CACNA1A: variants seen among roughly 807,000 people sequenced by gnomAD.
The protein encoded by CACNA1A is voltage-dependent P/Q-type calcium channel subunit alpha-1A.
In CACNA1A, 57 loss-of-function variants were observed where a neutral mutation model predicts 262.4. The observed-to-expected ratio is 0.22, with a 90% CI of 0.18 to 0.27. The LOEUF (loss-of-function observed/expected upper bound fraction) is 0.27, where lower values mean the gene tolerates loss of function less well. Among genes scored for constraint, CACNA1A ranks in the 10% least tolerant of loss-of-function variants. The pLI is 1.00. For synonymous variants in CACNA1A, 1,431 were observed against 1,419.3 expected (o/e 1.01, Z -0.18); for missense variants, 2,526 against 3,562.8 (o/e 0.71, Z 7.41).
intron 3 of CACNA1A, among the ~76,000 whole-genome samples, chr19:13,434,491 G>A (rs200077669): frequency 2.6e-5 from 4 of 152,176 alleles, no homozygotes; most frequent in Non-Finnish European, 5.9e-5. Context: ...CTGGTGGAAG[G>A]TAATTGGATC....
intron 21 of CACNA1A, among the ~76,000 whole-genome samples, chr19:13,284,792 AATTT>A (rs1299712067): frequency 1.6e-4 from 24 of 152,280 alleles, no homozygotes; most frequent in African/African-American, 4.8e-4. Context: ...GTTTAGGACA[AATTT>A]ATTTGTTTAT....
In CACNA1A at chr19:13,236,374, C is replaced by A; in HGVS notation, c.4951-644G>T. ...GAGCTGCCCACCCGCTCCTGCCCGCCCTGACCTCACCCCACGGCCAAGAGG... is the reference window on the plus strand; with the variant it reads ...GAGCTGCCCACCCGCTCCTGCCCGCACTGACCTCACCCCACGGCCAAGAGG... On this transcript the variant is annotated intron_variant, in intron 31 of 46. Coordinates refer to ENST00000360228, the MANE Select transcript of CACNA1A (RefSeq NM_001127222.2). This position sits in a 1 kb window ranked among gnomAD's most constrained non-coding sequence, Gnocchi z 4.6. 6.5e-6 allele frequency: 1 copy of A among 153,802 alleles called. No individual in the cohort carries two copies. Among genetic ancestry groups the A allele is most frequent in the Non-Finnish European group, 1.5e-5 (1 of 68,822 alleles). 9.5% of individuals were successfully genotyped at this position (153,802 alleles called of 1,614,324 possible).
chr19:13,498,676 G>A (rs1981978468), intron 1 of CACNA1A, among the ~76,000 whole-genome samples: 1 of 152,190 alleles, frequency 6.6e-6, no homozygotes, highest in South Asian at 2.1e-4. Context: ...TCTTGTATTA[G>A]CTGCCTTAAA....
intron 3 of CACNA1A, among the ~76,000 whole-genome samples, chr19:13,443,042 GTTTT>G (rs34609205): frequency 0.094 from 14,335 of 152,148 alleles, 732 homozygotes; most frequent in South Asian, 0.15. Context: ...GTTGAAATTT[GTTTT>G]ATTTATTTTA....
At chr19:13,305,781 G>A (rs2053673644) in intron 15 of CACNA1A, among the ~76,000 whole-genome samples, 3 of 152,172 alleles carry the variant, frequency 2.0e-5, no homozygotes, top group Admixed American at 2.0e-4. Context: ...TCGCTTATGG[G>A]CCAGGTGTGG....
intron 38 of CACNA1A, among the ~76,000 whole-genome samples, chr19:13,222,124 C>G (rs1298722501): frequency 1.3e-5 from 2 of 152,052 alleles, no homozygotes; most frequent in Non-Finnish European, 2.9e-5. Flanking sequence ...CCAGGCTGGT[C>G]TTGAACTCCT....
rs61098915 is a variant in CACNA1A at position 13,229,062 on chromosome 19, T to TG, written c.5528+1019dup. 4.0e-3 allele frequency: 728 copies of TG among 183,966 alleles called. 6 individuals carry two copies. The highest frequency in any genetic ancestry group is 0.013 in the African/African-American group (532 of 40,948). The allele number at this position is 183,966 out of a possible 1,614,324, so 11.4% of individuals were successfully genotyped here. On this transcript the variant is annotated intron_variant, in intron 36 of 46. Transcript: ENST00000360228. The stretch of plus-strand genomic sequence containing the variant: ...CCACAGTCTACATGGGCTACAGGGG[T>TG]GGGGGGGGGCTTGTGGAATAGAGGC...
chr19:13,283,519 A>C, intron 21 of CACNA1A, 123 bp from the exon 22 acceptor site: 1 of 1,291,044 alleles, frequency 7.7e-7, no homozygotes. Context: ...CTCCTACACA[A>C]CAAACTATTA....
chr19:13,227,438 G>C lies in CACNA1A; in HGVS notation c.5618C>G (p.Ala1873Gly). 6.3e-7 allele frequency: 1 copy of C among 1,599,004 alleles called. No homozygotes were observed. Among genetic ancestry groups the C allele is most frequent in the Non-Finnish European group, 8.6e-7 (1 of 1,169,510 alleles). The stretch of plus-strand genomic sequence containing the variant: ...TCGGCAAGGGTAGTCTACCTTGTAA[G>C]CCACTCTGGCCGGACACTTCTTCCC... ...GLGKKCPARV[A>G]YKRLLRMDLP... is the part of the protein sequence containing the mutation. Residue 1873 changes from alanine (A) to glycine (G), a missense_variant, in exon 37 of 47, where the codon GCT becomes GGT. Around this residue, in one of 17 missense-constraint regions of CACNA1A, gnomAD observed 112 missense variants for 197.2 expected, o/e 0.57. Transcript: ENST00000360228.
chr19:13,220,110 A>C (rs1381495034), intron 38 of CACNA1A, among the ~76,000 whole-genome samples: 1 of 151,248 alleles, frequency 6.6e-6, no homozygotes, highest in East Asian at 1.9e-4. Context: ...ATACAAAAAA[A>C]TTTAGCTGGG....
chr19:13,497,571 T>C (rs1449575034), intron 1 of CACNA1A, among the ~76,000 whole-genome samples: 1 of 35,496 alleles, frequency 2.8e-5, no homozygotes, highest in South Asian at 1.3e-3. Flanking sequence ...TATATATATA[T>C]ATATATATAA....
intron 22 of CACNA1A, among the ~76,000 whole-genome samples, chr19:13,279,567 C>A (rs1411097210): frequency 2.6e-5 from 4 of 152,050 alleles, no homozygotes; most frequent in Admixed American, 6.6e-5. Flanking sequence ...CTCACTGGAA[C>A]CTCTGCCTCC....
chr19:13,435,648 T>C (rs1191594080), intron 3 of CACNA1A, among the ~76,000 whole-genome samples: 1 of 152,064 alleles, frequency 6.6e-6, no homozygotes, highest in Non-Finnish European at 1.5e-5. Context: ...ACTCAAGATA[T>C]TGAGAATAGC....
At chr19:13,276,805 G>A (rs2057160768) in intron 23 of CACNA1A, among the ~76,000 whole-genome samples, 1 of 150,306 alleles carries the variant, frequency 6.7e-6, no homozygotes, top group Non-Finnish European at 1.5e-5. Context: ...TTGCAGCCTA[G>A]GGTTCAAGTG....
chr19:13,280,595 G>C (rs2057266422), intron 22 of CACNA1A, among the ~76,000 whole-genome samples: 1 of 152,040 alleles, frequency 6.6e-6, no homozygotes, highest in South Asian at 2.1e-4. Flanking sequence ...TGTCAACAGG[G>C]GATGGATAAC....
chr19:13,415,283 GA>G (rs1181856441), intron 3 of CACNA1A, among the ~76,000 whole-genome samples: 1 of 151,794 alleles, frequency 6.6e-6, no homozygotes, highest in African/African-American at 2.4e-5. Flanking sequence ...GGAAGGAAGG[GA>G]GATAGACGCA....
intron 3 of CACNA1A, 174 bp downstream of exon 3, chr19:13,452,702 A>AAT: frequency 1.6e-6 from 1 of 609,804 alleles, no homozygotes; most frequent in East Asian, 2.6e-5. Flanking sequence ...CATCTGCTGT[A>AAT]ATATACAGCT....
chr19:13,224,710 G>T lies in CACNA1A; in HGVS notation c.5688C>A (p.Leu1896=). The change falls in exon 38 of 47, where the codon CTC becomes CTA. Residue 1896 remains leucine (L), a synonymous_variant. Coordinates refer to ENST00000360228, the MANE Select transcript of CACNA1A (RefSeq NM_001127222.2). ...DDNTVHFNST[L]MALIRTALDI... Reference sequence around the variant, plus strand: ...CCAGGGCTGTGCGGATCAGAGCCATGAGGGTGGAATTGAAGTGGACGGTGT... The same window carrying T: ...CCAGGGCTGTGCGGATCAGAGCCATTAGGGTGGAATTGAAGTGGACGGTGT... 6.2e-7 allele frequency: 1 copy of T among 1,613,096 alleles called. No homozygotes were observed. The highest frequency in any genetic ancestry group is 1.1e-5 in the South Asian group (1 of 90,828).
chr19:13,215,612 G>A (rs1029854114), intron 38 of CACNA1A, among the ~76,000 whole-genome samples: 111 of 135,052 alleles, frequency 8.2e-4, no homozygotes, highest in South Asian at 4.7e-3. Flanking sequence ...GAGCCACCGC[G>A]TCTGGCCTGT....
Sources: gnomAD v4.1 joint callset for allele counts (sites outside exome capture counted in the v4.1 genomes callset) on GRCh38, gnomAD v4.1.1 for gene constraint, gnomAD v4.1.1 regional missense constraint, Gnocchi (gnomAD v3.1) non-coding constraint, MANE v1.5 for transcripts, NCBI Gene and HGNC (gene_info 2026-07-23, HGNC 2026-07-21) for gene names.